Variants in ERMARD observed in about 807,000 individuals in gnomAD.
ERMARD encodes endoplasmic reticulum membrane-associated RNA degradation protein.
In ERMARD, 71 loss-of-function variants were observed where a neutral mutation model predicts 83.9. The ratio of observed to expected loss-of-function variants is 0.85; its 90% CI spans 0.70 to 1.03. The LOEUF (loss-of-function observed/expected upper bound fraction) is 1.03. Ranked by LOEUF, ERMARD falls within the 50% of genes least tolerant of loss-of-function variation. The probability of loss-of-function intolerance (pLI) is 0.00; values close to 1 mark genes in which losing one functional copy is unlikely to be tolerated. For synonymous variants in ERMARD, 284 were observed against 298.6 expected (o/e 0.95, Z 0.50); for missense variants, 838 against 810.9 (o/e 1.03, Z -0.41).
chr6:169,771,666 C>T (rs1792935071), intron 12 of ERMARD: 1 of 152,084 alleles, frequency 6.6e-6, no homozygotes, highest in Non-Finnish European at 1.5e-5. Flanking sequence ...CTCCAGCCTC[C>T]TAGGTGGCTG....
At chr6:169,758,708 ATT>A (rs1186297285) in intron 5 of ERMARD, among the ~76,000 whole-genome samples, 4 of 151,954 alleles carry the variant, frequency 2.6e-5, no homozygotes, top group Non-Finnish European at 5.9e-5. Context: ...CCATGCTTGT[ATT>A]TTTTTCACCT....
chr6:169,775,481 G>T, intron 14 of ERMARD, 135 bp downstream of exon 14: 1 of 960,166 alleles, frequency 1.0e-6, no homozygotes, highest in Non-Finnish European at 1.6e-6. Context: ...GGCTGATGCA[G>T]GCTGTGGGGA....
At chr6:169,776,240 G>C in intron 15 of ERMARD, 175 bp downstream of exon 15, 11 of 1,525,652 alleles carry the variant, frequency 7.2e-6, no homozygotes, top group Non-Finnish European at 9.8e-6. Context: ...GTGCAAGCTT[G>C]GCACATCTGA....
intron 15 of ERMARD, 136 bp from the exon 16 acceptor site, chr6:169,776,319 C>T (rs748834776): frequency 6.4e-6 from 10 of 1,552,136 alleles, no homozygotes; most frequent in Admixed American, 3.9e-5. Flanking sequence ...CCGCGTGTCA[C>T]GGTTGTCCCT....
intron 10 of ERMARD, chr6:169,766,881 C>T: frequency 2.2e-6 from 1 of 462,712 alleles, no homozygotes; most frequent in Non-Finnish European, 3.8e-6. Flanking sequence ...CTATCCAAAG[C>T]TCAAAGTTGG....
intron 13 of ERMARD, among the ~76,000 whole-genome samples, chr6:169,774,121 G>A (rs1035506584): frequency 2.6e-5 from 4 of 152,280 alleles, no homozygotes; most frequent in Admixed American, 2.0e-4. Flanking sequence ...GGATCACAAC[G>A]TCAGGAGATC....
intron 2 of ERMARD, among the ~76,000 whole-genome samples, chr6:169,754,830 A>G (rs934198165): frequency 4.6e-5 from 7 of 152,216 alleles, no homozygotes; most frequent in Non-Finnish European, 8.8e-5. Context: ...CAAAAACTTC[A>G]TATTATAAAT....
Position 169,756,318 on chromosome 6 carries a change from A to G in ERMARD, c.316-20A>G. On this transcript the variant is annotated intron_variant, in intron 3 of 17. Coordinates refer to ENST00000366773, the MANE Select transcript of ERMARD (RefSeq NM_018341.3). Reference sequence around the variant, plus strand: ...GTAGTTTCAGAGTGTACATCCTAATATGTGTTTTATTGTAAATAGTTATTT... The same window carrying G: ...GTAGTTTCAGAGTGTACATCCTAATGTGTGTTTTATTGTAAATAGTTATTT... The G allele has an allele frequency of 2.7e-6, 4 of 1,467,204 alleles. No individual in the cohort carries two copies. Among genetic ancestry groups the G allele is most frequent in the South Asian group, 2.4e-5 (2 of 84,392 alleles). 90.9% of individuals were successfully genotyped at this position (1,467,204 alleles called of 1,614,324 possible).
intron 8 of ERMARD, among the ~76,000 whole-genome samples, chr6:169,762,164 C>T (rs1033991261): frequency 1.3e-5 from 2 of 151,994 alleles, no homozygotes; most frequent in Admixed American, 6.6e-5. Flanking sequence ...TAGCTCACTG[C>T]AGCCTTGAAC....
rs770425689 is a variant in ERMARD, at chr6:169,769,623, A to C, written c.1143A>C (p.Glu381Asp). 5.0e-6 allele frequency: 8 copies of C among 1,613,462 alleles called. No individual in the cohort carries two copies. The South Asian group carries it at 7.7e-5, about 16-fold the overall frequency. Residue 381 changes from glutamate (E) to aspartate (D), a missense_variant, in exon 12 of 18, where the codon GAA (glutamate) becomes GAC (aspartate). Coordinates refer to ENST00000366773, the MANE Select transcript of ERMARD (RefSeq NM_018341.3). ...GCCACGGGGAGATCAACTTACATGA[A>C]TTTTCAAAAGAAACAACTAATCAGT... ...HLSHGEINLH[E>D]FSKETTNQLL... is the part of the protein sequence containing the mutation.
At chr6:169,769,183 A>G (rs1202235718) in intron 11 of ERMARD, among the ~76,000 whole-genome samples, 2 of 152,244 alleles carry the variant, frequency 1.3e-5, no homozygotes, top group Non-Finnish European at 2.9e-5. Context: ...GAAAGAGCAG[A>G]TGAGAAAGTG....
intron 7 of ERMARD, among the ~76,000 whole-genome samples, chr6:169,760,206 G>C (rs1359188189): frequency 2.0e-5 from 3 of 152,144 alleles, no homozygotes; most frequent in Admixed American, 2.0e-4. Flanking sequence ...AGCTGTGTGA[G>C]CTGAGCTCTT....
chr6:169,754,037 G>C lies in ERMARD; in HGVS notation c.175+5G>C. ...GTGTGAGCTACACAGAGTCAGGTTT[G>C]TGCTGTCTTTGTACTCCAAACTTTC... On this transcript the variant is annotated splice_donor_5th_base_variant and intron_variant, in intron 2 of 17. Coordinates refer to ENST00000366773, the MANE Select transcript of ERMARD (RefSeq NM_018341.3). The C allele has an allele frequency of 6.2e-7, 1 of 1,604,588 alleles. No individual in the cohort carries two copies. The highest frequency in any genetic ancestry group is 8.5e-7 in the Non-Finnish European group (1 of 1,174,198).
At chr6:169,755,488 T>G in intron 3 of ERMARD, 66 bp downstream of exon 3, 1 of 1,576,736 alleles carries the variant, frequency 6.3e-7, no homozygotes, top group East Asian at 2.2e-5. Context: ...GACGTACTAT[T>G]TGCCAATTTT....
rs978965864 is a variant in ERMARD at position 169,755,452 on chromosome 6, A to G, written c.315+30A>G. 4 of 1,612,798 alleles carry G rather than the reference A, an allele frequency of 2.5e-6. No individual in the cohort carries two copies. The African/African-American group carries it at 4.0e-5, about 16-fold the overall frequency. ...GGCTTTTGAACAACCTTTAGAAATA[A>G]AAGACTGTGCGAATACTACTTAGAG... On this transcript the variant is annotated intron_variant, in intron 3 of 17. Transcript: ENST00000366773.
intron 5 of ERMARD, among the ~76,000 whole-genome samples, chr6:169,758,300 C>T (rs1791072252): frequency 6.6e-6 from 1 of 152,220 alleles, no homozygotes; most frequent in Middle Eastern, 3.2e-3. Context: ...CCATTATGTT[C>T]TGAGTTTCTT....
chr6:169,762,074 ATAT>A (rs1209773282), intron 8 of ERMARD, among the ~76,000 whole-genome samples: 1 of 152,060 alleles, frequency 6.6e-6, no homozygotes, highest in Non-Finnish European at 1.5e-5. Context: ...GTTGGTGTCA[ATAT>A]TATTTTTGTT....
chr6:169,771,871 A>C (rs1414307980), intron 12 of ERMARD: 1 of 152,098 alleles, frequency 6.6e-6, no homozygotes, highest in Non-Finnish European at 1.5e-5. Flanking sequence ...CCCTGTCTCT[A>C]ATAAAAATAC....
chr6:169,758,050 G>A (rs1433249935), intron 5 of ERMARD, among the ~76,000 whole-genome samples: 7 of 152,206 alleles, frequency 4.6e-5, no homozygotes, highest in Non-Finnish European at 8.8e-5. Context: ...AAGATCTCCT[G>A]AAGTTGCATA....
Sources: gnomAD v4.1 joint callset for allele counts (sites outside exome capture counted in the v4.1 genomes callset) on GRCh38, gnomAD v4.1.1 for gene constraint, MANE v1.5 for transcripts, NCBI Gene and HGNC (gene_info 2026-07-23, HGNC 2026-07-21) for gene names.